Variants in DLG2 observed in about 807,000 individuals in gnomAD.
The protein encoded by DLG2 is disks large homolog 2.
DLG2 carries 45 observed loss-of-function variants against 132.5 expected under a neutral mutation model. The observed-to-expected ratio is 0.34, with a 90% CI of 0.27 to 0.44. The LOEUF (loss-of-function observed/expected upper bound fraction) is 0.44. Among genes scored for constraint, DLG2 ranks in the 20% least tolerant of loss-of-function variants. The probability of loss-of-function intolerance (pLI) is 1.00; values close to 1 mark genes in which losing one functional copy is unlikely to be tolerated. For synonymous variants in DLG2, 424 were observed against 419.6 expected (o/e 1.01, Z -0.13); for missense variants, 1,045 against 1,196.9 (o/e 0.87, Z 1.87).
At chr11:84,517,598 A>G (rs2099277732) in intron 7 of DLG2, among the ~76,000 whole-genome samples, 1 of 152,030 alleles carries the variant, frequency 6.6e-6, no homozygotes, top group African/African-American at 2.4e-5. Context: ...AGCTTCTTCA[A>G]AAAACTGAAA....
chr11:83,999,933 T>G (rs1017798124), intron 11 of DLG2, among the ~76,000 whole-genome samples: 1 of 137,972 alleles, frequency 7.2e-6, no homozygotes, highest in Non-Finnish European at 1.5e-5. Context: ...CACACAGATA[T>G]CAATGTAGTG....
At chr11:83,623,781 TC>T (rs1321290788) in intron 19 of DLG2, among the ~76,000 whole-genome samples, 5 of 152,256 alleles carry the variant, frequency 3.3e-5, no homozygotes, top group Admixed American at 6.5e-5. Context: ...ATTTCCTTGT[TC>T]CCTTGAAACT....
chr11:83,934,505 C>A lies in DLG2; in HGVS notation c.1341-4022G>T, dbSNP rs560951902. On this transcript the variant is annotated intron_variant, in intron 14 of 27. Transcript: ENST00000376104. ...CTCACTCACCTCACTATAGTCCCTGCCCTGTATCAGAGATAATGTTTAAGA... is the reference window on the plus strand; with the variant it reads ...CTCACTCACCTCACTATAGTCCCTGACCTGTATCAGAGATAATGTTTAAGA... 1.1e-4 allele frequency among the ~76,000 whole-genome samples: 17 copies of A among 151,676 alleles called. No homozygotes were observed. In the South Asian group the frequency reaches 3.5e-3, roughly 32 times the overall value.
chr11:84,725,965 A>T (rs893015833), intron 6 of DLG2, among the ~76,000 whole-genome samples: 4 of 152,020 alleles, frequency 2.6e-5, no homozygotes, highest in Admixed American at 6.6e-5. Flanking sequence ...TTACTGTCTC[A>T]GTGACTCTCC....
Position 84,726,298 on chromosome 11 carries a change from T to G in DLG2, c.358-191567A>C, listed in dbSNP as rs1596594536. On this transcript the variant is annotated intron_variant, in intron 6 of 27. Transcript: ENST00000376104. ...CCCCCAGGCAGGCCCTGGTGTGTGA[T>G]GTTCCCCTCCCTATGTCCACGTGTT... 2.6e-5 allele frequency among the ~76,000 whole-genome samples: 4 copies of G among 152,246 alleles called. No homozygotes were observed. In the South Asian group the frequency reaches 8.3e-4, roughly 32 times the overall value.
chr11:85,378,092 A>G (rs911081002), intron 3 of DLG2, among the ~76,000 whole-genome samples: 1 of 152,100 alleles, frequency 6.6e-6, no homozygotes, highest in Non-Finnish European at 1.5e-5. Flanking sequence ...GAGCCACAGT[A>G]AAAGAAAGCA....
rs1300441677 is a variant in DLG2 at position 83,782,443 on chromosome 11, G to A, written c.1825+4247C>T. On this transcript the variant is annotated intron_variant, in intron 18 of 27. Coordinates refer to ENST00000376104, the MANE Select transcript of DLG2 (RefSeq NM_001142699.3). ...TAGGAGCTCACTCGAGTGGAGAGGTGTGCAAACTGTCATAATGGGCACACC... is the reference window on the plus strand; with the variant it reads ...TAGGAGCTCACTCGAGTGGAGAGGTATGCAAACTGTCATAATGGGCACACC... Among the ~76,000 whole-genome samples, 12 of 152,278 alleles carry A rather than the reference G, an allele frequency of 7.9e-5. No individual in the cohort carries two copies. The East Asian group carries it at 1.7e-3, about 22-fold the overall frequency.
At chr11:84,949,828 A>G (rs1387572417) in intron 6 of DLG2, among the ~76,000 whole-genome samples, 1 of 152,196 alleles carries the variant, frequency 6.6e-6, no homozygotes, top group Non-Finnish European at 1.5e-5. Flanking sequence ...GACAATATAC[A>G]TCCTCCTCAA....
chr11:83,509,892 G>A (rs763042874), intron 21 of DLG2, among the ~76,000 whole-genome samples: 12 of 152,122 alleles, frequency 7.9e-5, no homozygotes, highest in African/African-American at 1.7e-4. Context: ...TTTCTTGAGC[G>A]CGTAGTATGG....
At chr11:85,626,149 A>G (rs2082018827) in intron 2 of DLG2, among the ~76,000 whole-genome samples, 1 of 152,274 alleles carries the variant, frequency 6.6e-6, no homozygotes, top group Non-Finnish European at 1.5e-5. Flanking sequence ...AAGATAAATT[A>G]TAAAGCTGTA....
chr11:85,318,919 G>T (rs1462187817), intron 3 of DLG2, among the ~76,000 whole-genome samples: 6 of 151,756 alleles, frequency 4.0e-5, no homozygotes, highest in African/African-American at 1.2e-4. Flanking sequence ...ATAACAATTT[G>T]CCACTGCTAA....
intron 3 of DLG2, among the ~76,000 whole-genome samples, chr11:85,294,976 T>C (rs1229553398): frequency 6.6e-6 from 1 of 152,152 alleles, no homozygotes; most frequent in Non-Finnish European, 1.5e-5. Flanking sequence ...AAATATCTCC[T>C]TGATGAATAA....
chr11:84,623,072 C>T (rs112786887), intron 6 of DLG2, among the ~76,000 whole-genome samples: 6 of 152,114 alleles, frequency 3.9e-5, no homozygotes, highest in Admixed American at 3.9e-4. Flanking sequence ...TGGATCCTAT[C>T]AGTTGTTTGA....
chr11:84,388,511 G>C (rs1319951834), intron 7 of DLG2, among the ~76,000 whole-genome samples: 1 of 151,998 alleles, frequency 6.6e-6, no homozygotes, highest in African/African-American at 2.4e-5. Flanking sequence ...GTAGAAAAGA[G>C]GGCAGCTATT....
intron 5 of DLG2, among the ~76,000 whole-genome samples, chr11:85,140,613 T>C (rs1385248832): frequency 6.6e-6 from 1 of 151,730 alleles, no homozygotes; most frequent in Non-Finnish European, 1.5e-5. Flanking sequence ...TTTTTTGATA[T>C]ATACAATAAT....
At chr11:83,663,314 T>A (rs2074781457) in intron 18 of DLG2, among the ~76,000 whole-genome samples, 1 of 152,160 alleles carries the variant, frequency 6.6e-6, no homozygotes, top group African/African-American at 2.4e-5. Context: ...GCTTTTTCCA[T>A]TCAAGGACTG....
At chr11:85,287,200 A>T (rs1250791227) in intron 3 of DLG2, among the ~76,000 whole-genome samples, 3 of 152,068 alleles carry the variant, frequency 2.0e-5, no homozygotes, top group Non-Finnish European at 4.4e-5. Context: ...TTATGCATAA[A>T]ATATATATAT....
chr11:84,216,755 T>C (rs1277118748), intron 8 of DLG2, among the ~76,000 whole-genome samples: 2 of 152,180 alleles, frequency 1.3e-5, no homozygotes, highest in Admixed American at 1.3e-4. Flanking sequence ...TATAAATCAT[T>C]AGCAACAAAG....
In DLG2 at chr11:84,983,539, T is replaced by A. The variant is rs138718220; in HGVS notation, c.357+128122A>T. Among the ~76,000 whole-genome samples, 7 of 152,078 alleles carry A rather than the reference T, an allele frequency of 4.6e-5. No homozygotes were observed. The East Asian group carries it at 1.2e-3, about 25-fold the overall frequency. On this transcript the variant is annotated intron_variant, in intron 6 of 27. Coordinates refer to ENST00000376104, the MANE Select transcript of DLG2 (RefSeq NM_001142699.3). Reference sequence around the variant, plus strand: ...GTCCCTCTGACAGAGCCTACCTAAATTGAGAAGGAACCAGGAAAACAACTC... The same window carrying A: ...GTCCCTCTGACAGAGCCTACCTAAAATGAGAAGGAACCAGGAAAACAACTC...
Sources: gnomAD v4.1 joint callset for allele counts (sites outside exome capture counted in the v4.1 genomes callset) on GRCh38, gnomAD v4.1.1 for gene constraint, MANE v1.5 for transcripts, NCBI Gene and HGNC (gene_info 2026-07-23, HGNC 2026-07-21) for gene names.